The following MEI1 variants were observed in gnomAD, a reference collection of about 807,000 sequenced individuals.
The protein encoded by MEI1 is meiotic double-stranded break formation protein 1.
In MEI1, 103 loss-of-function variants were observed where a neutral mutation model predicts 146.2. The observed-to-expected ratio is 0.70, with a 90% CI of 0.60 to 0.83. The LOEUF (loss-of-function observed/expected upper bound fraction) is 0.83. MEI1 is among the 40% of genes least tolerant of loss of function. MEI1 has a pLI of 0.00. For missense variants in MEI1, 1,529 were observed against 1,533.0 expected, an observed-to-expected ratio of 1.00 and a Z score of 0.04; for synonymous variants, 652 against 628.2, an observed-to-expected ratio of 1.04 and a Z score of -0.57.
rs753669206 is a variant in MEI1 at position 41,758,460 on chromosome 22, AT to A, written c.2048del (p.Met683ArgfsTer84). On this transcript the variant is annotated frameshift_variant, in exon 18 of 31. Coordinates refer to ENST00000401548, the MANE Select transcript of MEI1 (RefSeq NM_152513.4). LOFTEE classifies it high-confidence loss of function. ...TGCCTTCCTGTCTGATCGCCAGTAC[AT>A]GGAGGGAGCTGCTCGCCAGAGACAG... ...SLAFLSDRQYMEGAARQRQYC... is the reference protein window; with the variant it reads ...SLAFLSDRQYXEGAARQRQYC... The A allele has an allele frequency of 6.2e-7, 1 of 1,613,922 alleles. No individual in the cohort carries two copies. The highest frequency in any genetic ancestry group is 8.5e-7 in the Non-Finnish European group (1 of 1,179,868).
intron 11 of MEI1, among the ~76,000 whole-genome samples, chr22:41,737,695 C>G (rs1196834355): frequency 6.6e-6 from 1 of 152,128 alleles, no homozygotes; most frequent in Non-Finnish European, 1.5e-5. Flanking sequence ...GCGTGAGCCA[C>G]TGAACCTGGC....
intron 17 of MEI1, among the ~76,000 whole-genome samples, chr22:41,754,313 G>T (rs1459630214): frequency 6.6e-6 from 1 of 152,150 alleles, no homozygotes; most frequent in African/African-American, 2.4e-5. Context: ...CTTCCTGACA[G>T]TCTCCTCTGC....
chr22:41,784,834 G>A (rs2148181983), intron 26 of MEI1, 51 bp downstream of exon 26: 2 of 1,472,260 alleles, frequency 1.4e-6, no homozygotes, highest in Non-Finnish European at 9.1e-7. Flanking sequence ...ACAGCAGGAA[G>A]GGGTGGCTGC....
intron 15 of MEI1, among the ~76,000 whole-genome samples, chr22:41,750,559 G>C (rs1415566081): frequency 6.6e-6 from 1 of 152,116 alleles, no homozygotes; most frequent in Non-Finnish European, 1.5e-5. Flanking sequence ...TTGGTGTGTG[G>C]GGAAGGTGAG....
chr22:41,722,352 C>T (rs929574970), intron 6 of MEI1, among the ~76,000 whole-genome samples: 2 of 152,110 alleles, frequency 1.3e-5, no homozygotes, highest in East Asian at 1.9e-4. Flanking sequence ...GGCTGAAGTA[C>T]AGTAGCATGT....
intron 25 of MEI1, 84 bp downstream of exon 25, chr22:41,784,504 C>T (rs745609316): frequency 2.1e-5 from 34 of 1,593,684 alleles, no homozygotes; most frequent in Non-Finnish European, 2.8e-5. Flanking sequence ...AGCCAATGGT[C>T]ACTCCATAAT....
In MEI1 at chr22:41,718,170, T is replaced by C; in HGVS notation, c.629T>C (p.Val210Ala). The C allele has an allele frequency of 6.2e-7, 1 of 1,613,960 alleles. No homozygotes were observed. Among genetic ancestry groups the C allele is most frequent in the Non-Finnish European group, 8.5e-7 (1 of 1,179,864 alleles). ...TATGGGAAGCTATACTCCTCACCAGTGGCAGCTGAGATGCTTTCAGGACAC... is the reference window on the plus strand; with the variant it reads ...TATGGGAAGCTATACTCCTCACCAGCGGCAGCTGAGATGCTTTCAGGACAC... ...YLYGKLYSSP[V>A]AAEMLSGHFR... The change falls in exon 6 of 31, where the codon GTG becomes GCG. Residue 210 changes from valine (V) to alanine (A), a missense_variant. Physicochemically the swap from Val to Ala is moderately conservative, Grantham distance 64 (BLOSUM62 0). Transcript: ENST00000401548.
intron 26 of MEI1, among the ~76,000 whole-genome samples, chr22:41,788,135 T>A (rs111771746): frequency 0.067 from 10,123 of 151,358 alleles, 1,075 homozygotes; most frequent in African/African-American, 0.23. Context: ...AGTTAAGTGA[T>A]TCTCCTGCCT....
At chr22:41,784,483 G>C (rs2075879725) in intron 25 of MEI1, 63 bp downstream of exon 25, 1 of 1,599,600 alleles carries the variant, frequency 6.3e-7, no homozygotes, top group African/African-American at 1.3e-5. Context: ...GATAAGACCA[G>C]CACCCTGACC....
intron 7 of MEI1, among the ~76,000 whole-genome samples, chr22:41,725,883 G>A (rs2147493492): frequency 6.6e-6 from 1 of 152,336 alleles, no homozygotes; most frequent in African/African-American, 2.4e-5. Flanking sequence ...GCTCGGCACG[G>A]GGGCTGGCAG....
intron 26 of MEI1, among the ~76,000 whole-genome samples, chr22:41,786,419 A>G (rs1379555962): frequency 6.6e-6 from 1 of 152,202 alleles, no homozygotes; most frequent in Non-Finnish European, 1.5e-5. Context: ...TCCTGGGGTC[A>G]ATACTGGCTT....
intron 15 of MEI1, chr22:41,752,367 C>T (rs1296208373): frequency 3.7e-6 from 2 of 539,884 alleles, no homozygotes; most frequent in Non-Finnish European, 6.7e-6. Flanking sequence ...ATACATTTAT[C>T]TTACTTAGCT....
chr22:41,732,532 C>G lies in MEI1; in HGVS notation c.1260C>G (p.Leu420=). Reference sequence around the variant, plus strand: ...TGTGCAGAGATGCTGGCCGTGCCCTCCAAGAAGCAGTTAGCAGCCCTGTGC... The same window carrying G: ...TGTGCAGAGATGCTGGCCGTGCCCTGCAAGAAGCAGTTAGCAGCCCTGTGC... ...SAMCRDAGRA[L]QEAVSSPVLE... is the part of the protein sequence containing the mutation. Residue 420 remains leucine, a synonymous_variant, in exon 11 of 31, where the codon CTC becomes CTG. Coordinates refer to ENST00000401548, the MANE Select transcript of MEI1 (RefSeq NM_152513.4). 6.2e-7 allele frequency: 1 copy of G among 1,613,920 alleles called. No homozygotes were observed. The highest frequency in any genetic ancestry group is 8.5e-7 in the Non-Finnish European group (1 of 1,179,888).
At chr22:41,778,102 C>A (rs1189319500) in intron 21 of MEI1, among the ~76,000 whole-genome samples, 2 of 152,046 alleles carry the variant, frequency 1.3e-5, no homozygotes, top group Non-Finnish European at 2.9e-5. Context: ...AATCCCCCAA[C>A]CTCAGACTCC....
intron 26 of MEI1, among the ~76,000 whole-genome samples, chr22:41,790,735 A>G (rs1200267284): frequency 6.6e-6 from 1 of 152,002 alleles, no homozygotes; most frequent in African/African-American, 2.4e-5. Flanking sequence ...CTGGGACTAC[A>G]GGCTCCCGCC....
At chr22:41,731,385 G>A (rs2071849398) in intron 9 of MEI1, among the ~76,000 whole-genome samples, 1 of 151,162 alleles carries the variant, frequency 6.6e-6, no homozygotes, top group Non-Finnish European at 1.5e-5. Flanking sequence ...GTCCTGCTCT[G>A]TCACCCAGGC....
At position 41,770,937 on chromosome 22, in the gene MEI1, C is replaced by T; in HGVS notation, c.2520C>T (p.Ile840=). 6.2e-7 allele frequency: 1 copy of T among 1,613,798 alleles called. No homozygotes were observed. Residue 840 remains isoleucine (I), a synonymous_variant, in exon 20 of 31, where the codon ATC becomes ATT. Transcript: ENST00000401548. ...TCCTGTTCCAGTTGCTCAGAAGCAT[C>T]CCCAGCATCCTGCTCATCTTGCTGG... ...LVVLFQLLRS[I]PSILLILLDL...
chr22:41,713,892 A>T, intron 3 of MEI1, 110 bp from the exon 4 acceptor site: 1 of 845,056 alleles, frequency 1.2e-6, no homozygotes, highest in Non-Finnish European at 1.9e-6. Context: ...GTATAATACC[A>T]ATTAGCCCAG....
At chr22:41,790,381 G>A (rs1569332453) in intron 26 of MEI1, among the ~76,000 whole-genome samples, 1 of 152,110 alleles carries the variant, frequency 6.6e-6, no homozygotes, top group East Asian at 1.9e-4. Context: ...CACCGCACCC[G>A]GTCTTAAAAC....
Sources: gnomAD v4.1 joint callset for allele counts (sites outside exome capture counted in the v4.1 genomes callset) on GRCh38, gnomAD v4.1.1 for gene constraint, MANE v1.5 for transcripts, NCBI Gene and HGNC (gene_info 2026-07-23, HGNC 2026-07-21) for gene names.